EXOC4: variants seen among roughly 807,000 people sequenced by gnomAD.
EXOC4 encodes exocyst complex component 4.
A neutral mutation model predicts 107.2 loss-of-function variants in EXOC4; 71 were observed. The ratio of observed to expected loss-of-function variants is 0.66; its 90% CI spans 0.55 to 0.81. The LOEUF (loss-of-function observed/expected upper bound fraction) is 0.81, where lower values mean the gene tolerates loss of function less well. Ranked by LOEUF, EXOC4 falls within the 30% of genes least tolerant of loss-of-function variation. The probability of loss-of-function intolerance (pLI) is 0.00; values close to 1 mark genes in which losing one functional copy is unlikely to be tolerated. For synonymous variants in EXOC4, 456 were observed against 441.2 expected (o/e 1.03, Z -0.42); for missense variants, 1,108 against 1,189.6 (o/e 0.93, Z 1.01).
intron 10 of EXOC4, among the ~76,000 whole-genome samples, chr7:133,749,532 A>G (rs1409469270): frequency 1.3e-5 from 2 of 151,988 alleles, no homozygotes; most frequent in Admixed American, 6.6e-5. Context: ...AGCTGAGACT[A>G]CAGGGGCGCA....
At chr7:134,078,325 AATATT>A in the EXOC4 span, among the ~76,000 whole-genome samples, 7 of 151,340 alleles carry the variant, frequency 4.6e-5, no homozygotes, top group Admixed American at 4.6e-4. Flanking sequence ...AACTATATAT[AATATT>A]ATATCTATAA....
At chr7:133,282,090 C>G (rs1346753620) in intron 2 of EXOC4, among the ~76,000 whole-genome samples, 1 of 152,210 alleles carries the variant, frequency 6.6e-6, no homozygotes, top group Non-Finnish European at 1.5e-5. Flanking sequence ...ATATAGATCT[C>G]TGGTCTTCCT....
At chr7:133,602,523 C>T (rs1021544762) in intron 9 of EXOC4, among the ~76,000 whole-genome samples, 9 of 152,192 alleles carry the variant, frequency 5.9e-5, no homozygotes, top group African/African-American at 1.7e-4. Flanking sequence ...CATTGAAATG[C>T]GAGAACTAAA....
intron 3 of EXOC4, among the ~76,000 whole-genome samples, chr7:133,292,821 G>A (rs1794437204): frequency 6.6e-6 from 1 of 152,164 alleles, no homozygotes; most frequent in Non-Finnish European, 1.5e-5. Flanking sequence ...TACAGTCAGA[G>A]TTCACAAATC....
chr7:133,616,228 T>G (rs1802191580), intron 9 of EXOC4, among the ~76,000 whole-genome samples: 1 of 152,152 alleles, frequency 6.6e-6, no homozygotes, highest in Non-Finnish European at 1.5e-5. Flanking sequence ...TTTTATTCCT[T>G]TGGTTTATCT....
In EXOC4 at chr7:133,630,047, G is replaced by A. The variant is rs745335511; in HGVS notation, c.1420G>A (p.Gly474Ser). The change falls in exon 10 of 18, where the codon GGT (glycine) becomes AGT (serine). Residue 474 changes from glycine (G) to serine (S), a missense_variant and splice_region_variant. Coordinates refer to ENST00000253861, the MANE Select transcript of EXOC4 (RefSeq NM_021807.4). ...GTTTTTTTTCTTTCTTCTGAAAGGGGGTCCTGATGACAACTTAATTGAAGG... is the reference window on the plus strand; with the variant it reads ...GTTTTTTTTCTTTCTTCTGAAAGGGAGTCCTGATGACAACTTAATTGAAGG... Reference protein sequence around the residue: ...LYSRSGELQGGPDDNLIEGGG... With the variant: ...LYSRSGELQGSPDDNLIEGGG... The A allele has an allele frequency of 1.2e-6, 2 of 1,611,788 alleles. No homozygotes were observed. The highest frequency in any genetic ancestry group is 2.2e-5 in the South Asian group (2 of 91,006).
chr7:133,677,234 T>C (rs1794083260), intron 10 of EXOC4, among the ~76,000 whole-genome samples: 1 of 152,092 alleles, frequency 6.6e-6, no homozygotes, highest in Admixed American at 6.6e-5. Flanking sequence ...ACCGTTAAGA[T>C]GTATTGTTGT....
intron 1 of EXOC4, among the ~76,000 whole-genome samples, chr7:133,262,442 A>C (rs1198072372): frequency 1.3e-5 from 2 of 152,138 alleles, no homozygotes; most frequent in Non-Finnish European, 1.5e-5. Flanking sequence ...TAATAAGGGA[A>C]AATTCTTGTA....
intron 9 of EXOC4, among the ~76,000 whole-genome samples, chr7:133,520,313 G>A (rs532138629): frequency 6.6e-6 from 1 of 152,218 alleles, no homozygotes; most frequent in Admixed American, 6.5e-5. Flanking sequence ...CACTTGGGGT[G>A]GGGTGTGTGT....
intron 3 of EXOC4, among the ~76,000 whole-genome samples, chr7:133,300,492 C>T (rs1794618150): frequency 6.6e-6 from 1 of 152,224 alleles, no homozygotes; most frequent in Admixed American, 6.5e-5. Context: ...ACGTCCCATA[C>T]TCTTATTCCC....
chr7:133,720,026 C>T (rs1585101099), intron 10 of EXOC4, among the ~76,000 whole-genome samples: 1 of 152,162 alleles, frequency 6.6e-6, no homozygotes, highest in Admixed American at 6.5e-5. Flanking sequence ...TTCTCACCAT[C>T]GCCACGTTTG....
intron 6 of EXOC4, among the ~76,000 whole-genome samples, chr7:133,358,019 C>T (rs1027243222): frequency 6.6e-6 from 1 of 152,096 alleles, no homozygotes; most frequent in African/African-American, 2.4e-5. Context: ...GAAACGCCAA[C>T]TCTACTAAAA....
intron 7 of EXOC4, among the ~76,000 whole-genome samples, chr7:133,416,749 G>A (rs1230709812): frequency 1.3e-5 from 2 of 152,164 alleles, no homozygotes; most frequent in African/African-American, 2.4e-5. Flanking sequence ...GGAATGGAGA[G>A]AAAGGGCAAC....
chr7:133,564,094 G>A (rs768863339), intron 9 of EXOC4, among the ~76,000 whole-genome samples: 23 of 152,116 alleles, frequency 1.5e-4, no homozygotes, highest in Admixed American at 2.0e-4. Context: ...GTATTAGTCC[G>A]TTCTCACATT....
At chr7:134,100,026 C>A in the EXOC4 span, among the ~76,000 whole-genome samples, 1 of 152,090 alleles carries the variant, frequency 6.6e-6, no homozygotes, top group Non-Finnish European at 1.5e-5. Flanking sequence ...CACTTCTGCA[C>A]AGGTTTCCCT....
chr7:133,719,348 G>A (rs911612283), intron 10 of EXOC4, among the ~76,000 whole-genome samples: 1 of 152,062 alleles, frequency 6.6e-6, no homozygotes, highest in Non-Finnish European at 1.5e-5. Context: ...GCATGAAAAC[G>A]AACTAATACA....
chr7:133,953,259 C>T (rs1336761750), intron 14 of EXOC4, among the ~76,000 whole-genome samples: 1 of 152,108 alleles, frequency 6.6e-6, no homozygotes, highest in African/African-American at 2.4e-5. Flanking sequence ...GCCTTCAAAT[C>T]AATCATTACT....
At chr7:133,325,432 C>T (rs893502362) in intron 5 of EXOC4, among the ~76,000 whole-genome samples, 5 of 152,122 alleles carry the variant, frequency 3.3e-5, no homozygotes, top group African/African-American at 1.2e-4. Context: ...TCAGCATTTG[C>T]TTGTCTGTAA....
At chr7:133,351,782 A>G (rs541746062) in intron 5 of EXOC4, among the ~76,000 whole-genome samples, 2 of 151,182 alleles carry the variant, frequency 1.3e-5, no homozygotes, top group African/African-American at 2.4e-5. Context: ...TTGTTTTGAG[A>G]TCTTTTTTGT....
Sources: allele counts gnomAD v4.1 joint callset (sites outside exome capture counted in the v4.1 genomes callset), GRCh38; gene constraint gnomAD v4.1.1; transcripts MANE v1.5; gene names NCBI Gene and HGNC (gene_info 2026-07-23, HGNC 2026-07-21).